Variants in ROCK1 observed in about 807,000 individuals in gnomAD.
ROCK1 encodes rho-associated protein kinase 1.
In ROCK1, 36 loss-of-function variants were observed where a neutral mutation model predicts 196.8. The observed-to-expected ratio is 0.18, with a 90% CI of 0.14 to 0.24. The LOEUF is 0.24. ROCK1 is among the 10% of genes least tolerant of loss of function. The pLI, the probability that ROCK1 is intolerant of heterozygous loss-of-function variation, is 1.00. For missense variants in ROCK1, 920 were observed against 1,562.0 expected (o/e 0.59, Z 6.93); for synonymous variants, 443 against 515.9 (o/e 0.86, Z 1.91).
intron 4 of ROCK1, among the ~76,000 whole-genome samples, chr18:21,047,785 G>A (rs1598543003): frequency 1.3e-5 from 2 of 149,960 alleles, no homozygotes; most frequent in Non-Finnish European, 3.0e-5. Context: ...GCGACAGAGC[G>A]AGACTCCGTC....
At chr18:20,988,308 T>C (rs2035594226) in intron 18 of ROCK1, among the ~76,000 whole-genome samples, 1 of 152,108 alleles carries the variant, frequency 6.6e-6, no homozygotes, top group Non-Finnish European at 1.5e-5. Flanking sequence ...CCTCAAATAA[T>C]CTGCCTGCCT....
chr18:20,958,241 G>C (rs943222319), intron 29 of ROCK1, among the ~76,000 whole-genome samples: 1 of 151,858 alleles, frequency 6.6e-6, no homozygotes, highest in African/African-American at 2.4e-5. Flanking sequence ...AATAAAGAAA[G>C]AGTATTCTCT....
chr18:21,071,292 C>T (rs2036383470), intron 1 of ROCK1, among the ~76,000 whole-genome samples: 1 of 151,492 alleles, frequency 6.6e-6, no homozygotes, highest in Admixed American at 6.6e-5. Flanking sequence ...CATCTTCCTG[C>T]CTCAGCCTCT....
intron 1 of ROCK1, among the ~76,000 whole-genome samples, chr18:21,088,506 A>C (rs748280665): frequency 2.5e-4 from 38 of 152,176 alleles, no homozygotes; most frequent in Non-Finnish European, 4.9e-4. Flanking sequence ...TCTTAAAATA[A>C]ATTTTTTAAG....
In ROCK1 at chr18:20,982,787, CTGATCT is replaced by C. The variant is rs765300096; in HGVS notation, c.2529_2534del (p.Asp844_Gln845del). The C allele has an allele frequency of 6.3e-7, 1 of 1,577,164 alleles. No individual in the cohort carries two copies. Among genetic ancestry groups the C allele is most frequent in the Non-Finnish European group, 8.7e-7 (1 of 1,147,562 alleles). ...CCGAGAAATATTGCTCAGCTTCAAG[CTGATCT>C]TGTAGCTCCCGCATCTGTCCTTCAT... On this transcript the variant is annotated inframe_deletion, in exon 21 of 33. Transcript: ENST00000399799.
chr18:21,099,451 C>A (rs932464409), intron 1 of ROCK1, among the ~76,000 whole-genome samples: 10 of 152,098 alleles, frequency 6.6e-5, no homozygotes, highest in African/African-American at 2.4e-4. Context: ...AACTTTTAAA[C>A]CACGTAAATG....
Position 21,083,565 on chromosome 18 carries a change from C to A in ROCK1, c.94-12952G>T, listed in dbSNP as rs138951244. ...CTCTGCTACCCATGAAACAGCAAGA[C>A]CAACTCCTCCTTTTCCTTCTACTCA... On this transcript the variant is annotated intron_variant, in intron 1 of 32. Transcript: ENST00000399799. 2.2e-4 allele frequency among the ~76,000 whole-genome samples: 33 copies of A among 152,286 alleles called. No homozygotes were observed. In the East Asian group the frequency reaches 5.6e-3, roughly 26 times the overall value.
intron 22 of ROCK1, among the ~76,000 whole-genome samples, chr18:20,972,027 G>GT (rs2035434125): frequency 1.3e-5 from 2 of 152,140 alleles, no homozygotes; most frequent in Non-Finnish European, 2.9e-5. Flanking sequence ...TCTGGCTGCT[G>GT]TATTAAGATC....
chr18:21,095,159 C>A (rs1443279162), intron 1 of ROCK1, among the ~76,000 whole-genome samples: 1 of 150,384 alleles, frequency 6.6e-6, no homozygotes, highest in African/African-American at 2.4e-5. Context: ...AATGTGGTAT[C>A]ATTTCACCCC....
intron 2 of ROCK1, among the ~76,000 whole-genome samples, chr18:21,062,386 T>C (rs2036299326): frequency 6.6e-6 from 1 of 152,146 alleles, no homozygotes; most frequent in Admixed American, 6.5e-5. Context: ...AGTAACAAAG[T>C]ATTAGGTTGG....
intron 1 of ROCK1, among the ~76,000 whole-genome samples, chr18:21,092,466 C>T (rs1428929604): frequency 1.3e-5 from 2 of 151,558 alleles, no homozygotes; most frequent in Non-Finnish European, 2.9e-5. Flanking sequence ...GGTCTGTAGT[C>T]CCAGCTACTC....
intron 1 of ROCK1, among the ~76,000 whole-genome samples, chr18:21,076,672 TACACACACACACAC>T (rs112541303): frequency 6.8e-6 from 1 of 146,160 alleles, no homozygotes. Context: ...TCTTGGTACA[TACACACACACACAC>T]ACACACACAC....
At chr18:21,037,880 A>T (rs1381916446) in intron 9 of ROCK1, among the ~76,000 whole-genome samples, 3 of 152,118 alleles carry the variant, frequency 2.0e-5, no homozygotes, top group African/African-American at 7.2e-5. Flanking sequence ...GTGTTCAGTA[A>T]ATAGTTGTTG....
intron 4 of ROCK1, among the ~76,000 whole-genome samples, chr18:21,047,724 G>A (rs188017561): frequency 7.9e-5 from 12 of 151,996 alleles, no homozygotes; most frequent in African/African-American, 2.9e-4. Context: ...AACTCAGGGG[G>A]CAGAGCTTGC....
rs2035138905 is a variant in ROCK1 at position 20,947,364 on chromosome 18, C to T, written c.*4020G>A. The T allele has an allele frequency of 6.6e-6, 1 of 151,842 alleles. No individual in the cohort carries two copies. Among genetic ancestry groups the T allele is most frequent in the Admixed American group, 6.6e-5 (1 of 15,232 alleles). 9.4% of individuals were successfully genotyped at this position (151,842 alleles called of 1,614,324 possible). On this transcript the variant is annotated 3_prime_UTR_variant, in exon 33 of 33. Coordinates refer to ENST00000399799, the MANE Select transcript of ROCK1 (RefSeq NM_005406.3). ...TGACTTTCTACTAGAATATTCTTTG[C>T]ATTTAATTTATTGCAATAAGCATAG...
intron 1 of ROCK1, among the ~76,000 whole-genome samples, chr18:21,073,793 T>G (rs753602219): frequency 1.7e-4 from 26 of 152,094 alleles, no homozygotes; most frequent in Non-Finnish European, 2.9e-4. Context: ...CTGACCAACT[T>G]TGGTAAGAGA....
intron 1 of ROCK1, among the ~76,000 whole-genome samples, chr18:21,078,443 T>C (rs1598554992): frequency 6.7e-6 from 1 of 149,962 alleles, no homozygotes; most frequent in South Asian, 2.1e-4. Context: ...TTTAGGCAGA[T>C]AGAGAGGAAA....
intron 9 of ROCK1, among the ~76,000 whole-genome samples, chr18:21,034,294 A>G (rs1568389802): frequency 6.6e-6 from 1 of 152,068 alleles, no homozygotes; most frequent in Admixed American, 6.6e-5. Context: ...AGACGTAAAA[A>G]CCCATTATAA....
chr18:21,021,948 A>G (rs948685877), intron 11 of ROCK1, among the ~76,000 whole-genome samples: 8 of 152,170 alleles, frequency 5.3e-5, no homozygotes, highest in African/African-American at 1.9e-4. Flanking sequence ...ATTAAAATTT[A>G]AGAGAAAGAT....
Sources: allele counts gnomAD v4.1 joint callset (sites outside exome capture counted in the v4.1 genomes callset), GRCh38; gene constraint gnomAD v4.1.1; transcripts MANE v1.5; gene names NCBI Gene and HGNC (gene_info 2026-07-23, HGNC 2026-07-21).